The following HERC4 variants were observed in gnomAD, a reference collection of about 807,000 sequenced individuals.
HERC4 encodes probable E3 ubiquitin-protein ligase HERC4.
In HERC4, 28 loss-of-function variants were observed where a neutral mutation model predicts 124.3. The ratio of observed to expected loss-of-function variants is 0.23; its 90% CI spans 0.17 to 0.31. The LOEUF (loss-of-function observed/expected upper bound fraction) is 0.31. Among genes scored for constraint, HERC4 ranks in the 10% least tolerant of loss-of-function variants. The pLI is 1.00. For synonymous variants in HERC4, 407 were observed against 421.5 expected (o/e 0.97, Z 0.42); for missense variants, 713 against 1,229.3 (o/e 0.58, Z 6.28).
At chr10:67,941,359 TG>T (rs59318151) in intron 19 of HERC4, among the ~76,000 whole-genome samples, 12,839 of 152,160 alleles carry the variant, frequency 0.084, 1,008 homozygotes, top group East Asian at 0.4. Flanking sequence ...ACTTTACAAC[TG>T]TTTTCTCCCA....
At chr10:68,035,079 A>G (rs1010154653) in intron 5 of HERC4, among the ~76,000 whole-genome samples, 4 of 152,200 alleles carry the variant, frequency 2.6e-5, no homozygotes, top group Non-Finnish European at 5.9e-5. Context: ...TTGAAACAAC[A>G]AAATAGTACA....
At chr10:67,954,784 A>C (rs763356414) in intron 18 of HERC4, 46 bp from the exon 19 acceptor site, 8 of 1,576,322 alleles carry the variant, frequency 5.1e-6, no homozygotes, top group Non-Finnish European at 6.9e-6. Context: ...AAAGAAATGA[A>C]AGTACATTCT....
At chr10:68,071,532 A>G (rs2041575242) in intron 3 of HERC4, among the ~76,000 whole-genome samples, 1 of 152,228 alleles carries the variant, frequency 6.6e-6, no homozygotes, top group Non-Finnish European at 1.5e-5. Flanking sequence ...CGTACCATGA[A>G]AATCTCAACC....
chr10:68,027,742 C>T (rs61670994), intron 7 of HERC4, among the ~76,000 whole-genome samples: 3 of 151,914 alleles, frequency 2.0e-5, no homozygotes, highest in Non-Finnish European at 4.4e-5. Flanking sequence ...GGCCAACATG[C>T]TGACACTTCG....
chr10:68,059,553 A>ATATATATCATAATAT, intron 3 of HERC4, among the ~76,000 whole-genome samples: 9 of 88,100 alleles, frequency 1.0e-4, no homozygotes, highest in African/African-American at 1.4e-4. Context: ...ATATATCATA[A>ATATATATCATAATAT]TATATATCAT....
intron 2 of HERC4, among the ~76,000 whole-genome samples, 184 bp from the exon 3 acceptor site, chr10:68,073,370 AAT>A (rs1176495905): frequency 6.6e-6 from 1 of 152,200 alleles, no homozygotes; most frequent in Non-Finnish European, 1.5e-5. Context: ...ATCATACAGA[AAT>A]TTTTAGGGAA....
intron 16 of HERC4, among the ~76,000 whole-genome samples, chr10:67,959,902 T>G (rs577377768): frequency 6.6e-6 from 1 of 152,328 alleles, no homozygotes; most frequent in South Asian, 2.1e-4. Flanking sequence ...TTCAGAAATA[T>G]GTTACTAAAT....
chr10:67,957,584 A>G (rs2034224007), intron 16 of HERC4, among the ~76,000 whole-genome samples: 1 of 152,172 alleles, frequency 6.6e-6, no homozygotes, highest in Non-Finnish European at 1.5e-5. Flanking sequence ...TAATATATTG[A>G]TTGCTAAGTA....
At chr10:67,985,613 A>G (rs2036215460) in intron 15 of HERC4, among the ~76,000 whole-genome samples, 1 of 152,210 alleles carries the variant, frequency 6.6e-6, no homozygotes, top group African/African-American at 2.4e-5. Flanking sequence ...ACTAGGCTAG[A>G]CAGACCAAGT....
At chr10:68,020,537 C>A (rs559399337) in intron 8 of HERC4, among the ~76,000 whole-genome samples, 8 of 151,866 alleles carry the variant, frequency 5.3e-5, no homozygotes, top group African/African-American at 1.9e-4. Flanking sequence ...GAGGCCGAGG[C>A]GGGCAGATCA....
chr10:67,984,050 C>T lies in HERC4; in HGVS notation c.1806+4613G>A, dbSNP rs191330632. Among the ~76,000 whole-genome samples the T allele has an allele frequency of 5.8e-3, 881 of 152,058 alleles. 13 individuals are homozygous for T. The highest frequency in any genetic ancestry group is 0.02 in the African/African-American group (846 of 41,458). Reference sequence around the variant, plus strand: ...GGCTTGGTGGCTCACGCCCGTAATCCCAACAGTTTGGGAGGCTGAGGCAGG... The same window carrying T: ...GGCTTGGTGGCTCACGCCCGTAATCTCAACAGTTTGGGAGGCTGAGGCAGG... On this transcript the variant is annotated intron_variant, in intron 15 of 24. Coordinates refer to ENST00000373700, the MANE Select transcript of HERC4 (RefSeq NM_015601.4).
At chr10:68,014,537 T>C (rs970227772) in intron 8 of HERC4, among the ~76,000 whole-genome samples, 2 of 152,202 alleles carry the variant, frequency 1.3e-5, no homozygotes, top group Non-Finnish European at 2.9e-5. Context: ...TGTCAAGTTC[T>C]AGTCCAGAGC....
intron 3 of HERC4, among the ~76,000 whole-genome samples, chr10:68,062,722 T>G (rs975644530): frequency 3.9e-5 from 6 of 152,000 alleles, no homozygotes; most frequent in African/African-American, 2.4e-5. Context: ...ATCGCACCAC[T>G]GCACTCCAGC....
chr10:67,938,715 G>A (rs2032606079), intron 21 of HERC4, among the ~76,000 whole-genome samples: 1 of 152,100 alleles, frequency 6.6e-6, no homozygotes. Flanking sequence ...GGAGGCCGAG[G>A]CGGGTGGATC....
At chr10:67,958,962 T>C in intron 16 of HERC4, 1 of 531,446 alleles carries the variant, frequency 1.9e-6, no homozygotes, top group Non-Finnish European at 3.3e-6. Context: ...AGATAATCTC[T>C]ACAGACTGTA....
intron 3 of HERC4, among the ~76,000 whole-genome samples, chr10:68,045,623 ATTTG>A (rs1487855876): frequency 1.3e-5 from 2 of 152,218 alleles, no homozygotes; most frequent in African/African-American, 4.8e-5. Flanking sequence ...AGGAAAGTGA[ATTTG>A]TTTCTCTTAG....
chr10:68,057,983 G>A (rs957033711), intron 3 of HERC4, among the ~76,000 whole-genome samples: 1 of 152,094 alleles, frequency 6.6e-6, no homozygotes, highest in Non-Finnish European at 1.5e-5. Flanking sequence ...TTACAGGTGT[G>A]AGCCACCATG....
intron 15 of HERC4, among the ~76,000 whole-genome samples, chr10:67,975,656 T>C (rs1402455281): frequency 6.6e-6 from 1 of 152,196 alleles, no homozygotes; most frequent in African/African-American, 2.4e-5. Context: ...AGCCGACACA[T>C]GCATTCTTAA....
At chr10:68,041,049 T>C (rs1042866280) in intron 4 of HERC4, among the ~76,000 whole-genome samples, 7 of 152,174 alleles carry the variant, frequency 4.6e-5, no homozygotes, top group South Asian at 2.1e-4. Flanking sequence ...ATGTATACTG[T>C]TGTATTCTTC....
Sources: allele counts gnomAD v4.1 joint callset (sites outside exome capture counted in the v4.1 genomes callset), GRCh38; gene constraint gnomAD v4.1.1; transcripts MANE v1.5; gene names NCBI Gene and HGNC (gene_info 2026-07-23, HGNC 2026-07-21).